The following BORCS5 variants were observed in gnomAD, a reference collection of about 807,000 sequenced individuals.
BORCS5 encodes the protein BLOC-1-related complex subunit 5.
Under a neutral mutation model 22.1 loss-of-function variants are expected in BORCS5, and 17 were observed. The ratio of observed to expected loss-of-function variants is 0.77; its 90% CI spans 0.53 to 1.15. BORCS5 has a LOEUF of 1.15. BORCS5 is among the 50% of genes most tolerant of loss of function. The pLI, the probability that BORCS5 is intolerant of heterozygous loss-of-function variation, is 0.00. For synonymous variants in BORCS5, 117 were observed against 99.8 expected, an observed-to-expected ratio of 1.17 and a Z score of -1.03; for missense variants, 247 against 253.2, an observed-to-expected ratio of 0.98 and a Z score of 0.17.
chr12:12,460,214 C>A (rs1158774877), intron 3 of BORCS5, among the ~76,000 whole-genome samples: 1 of 152,206 alleles, frequency 6.6e-6, no homozygotes, highest in Non-Finnish European at 1.5e-5. Flanking sequence ...TATCAGTGTA[C>A]AGATCTTATA....
At chr12:12,451,258 A>C (rs190518211) in intron 3 of BORCS5, among the ~76,000 whole-genome samples, 2 of 152,244 alleles carry the variant, frequency 1.3e-5, no homozygotes, top group Admixed American at 6.5e-5. Flanking sequence ...GTATCAGGCA[A>C]ACAGAAAGGT....
intron 2 of BORCS5, among the ~76,000 whole-genome samples, chr12:12,388,768 C>G (rs1863936453): frequency 6.6e-6 from 1 of 151,166 alleles, no homozygotes; most frequent in Admixed American, 6.6e-5. Flanking sequence ...TGCTGTTCTT[C>G]TCCTTTCCTG....
chr12:12,425,061 T>G (rs1357596189), intron 2 of BORCS5, among the ~76,000 whole-genome samples: 1 of 152,190 alleles, frequency 6.6e-6, no homozygotes, highest in Non-Finnish European at 1.5e-5. Flanking sequence ...GCAGCCAACA[T>G]TGATCAGAGC....
In BORCS5 at chr12:12,363,272, A is replaced by G. The variant is rs561969816; in HGVS notation, c.202+1923A>G. ...TAGTCATGTCAGTACACTTCAGCCT[A>G]GGTGACAGAGTGAGATCCTGCCTCA... On this transcript the variant is annotated intron_variant, in intron 2 of 3. Transcript: ENST00000314565. Among the ~76,000 whole-genome samples, 369 of 150,730 alleles carry G rather than the reference A, an allele frequency of 2.4e-3. 3 individuals carry two copies. Among genetic ancestry groups the G allele is most frequent in the South Asian group, 0.018 (83 of 4,672 alleles).
chr12:12,436,215 T>G (rs1942551548), intron 3 of BORCS5, among the ~76,000 whole-genome samples: 1 of 152,218 alleles, frequency 6.6e-6, no homozygotes, highest in South Asian at 2.1e-4. Flanking sequence ...AGATTAAAAT[T>G]TCTTTCAAAG....
chr12:12,365,082 A>G (rs1387976834), intron 2 of BORCS5, among the ~76,000 whole-genome samples: 1 of 152,236 alleles, frequency 6.6e-6, no homozygotes, highest in African/African-American at 2.4e-5. Flanking sequence ...GGACTTTGCC[A>G]CCAACTATTA....
At chr12:12,413,233 C>T (rs1364661378) in intron 2 of BORCS5, among the ~76,000 whole-genome samples, 1 of 96,428 alleles carries the variant, frequency 1.0e-5, no homozygotes, top group African/African-American at 5.5e-5. Flanking sequence ...TGCGGCCTTC[C>T]GCAGTGTTTG....
chr12:12,458,852 A>G (rs941816509), intron 3 of BORCS5, among the ~76,000 whole-genome samples: 3 of 149,880 alleles, frequency 2.0e-5, no homozygotes, highest in Admixed American at 6.7e-5. Flanking sequence ...CACGCCTGTA[A>G]TCCCAGCTAC....
At chr12:12,415,267 C>T (rs1291067893) in intron 2 of BORCS5, among the ~76,000 whole-genome samples, 1 of 150,744 alleles carries the variant, frequency 6.6e-6, no homozygotes, top group Non-Finnish European at 1.5e-5. Context: ...CCATTGAGCA[C>T]TGAGTGAACG....
At chr12:12,448,162 CCGCG>C (rs1942828652) in intron 3 of BORCS5, among the ~76,000 whole-genome samples, 1 of 152,148 alleles carries the variant, frequency 6.6e-6, no homozygotes, top group African/African-American at 2.4e-5. Context: ...AACTCTAAAG[CCGCG>C]CTTCCTTTCC....
At chr12:12,440,875 C>T (rs1349596842) in intron 3 of BORCS5, among the ~76,000 whole-genome samples, 6 of 152,298 alleles carry the variant, frequency 3.9e-5, no homozygotes, top group African/African-American at 9.6e-5. Context: ...GTAAGCACTT[C>T]GCCCAGGTCA....
chr12:12,389,144 T>TC (rs1170879068), intron 2 of BORCS5, among the ~76,000 whole-genome samples: 1 of 148,452 alleles, frequency 6.7e-6, no homozygotes, highest in East Asian at 1.9e-4. Flanking sequence ...ACTTTTTTTT[T>TC]TTTTTTTTTT....
At chr12:12,402,946 G>A (rs1391418187) in intron 2 of BORCS5, among the ~76,000 whole-genome samples, 1 of 152,124 alleles carries the variant, frequency 6.6e-6, no homozygotes, top group East Asian at 1.9e-4. Context: ...TATACTTGGT[G>A]CCCAGAAAAC....
At chr12:12,460,663 TC>T (rs1943087441) in intron 3 of BORCS5, among the ~76,000 whole-genome samples, 1 of 152,224 alleles carries the variant, frequency 6.6e-6, no homozygotes, top group Non-Finnish European at 1.5e-5. Context: ...TTCCTTCTGT[TC>T]CTACTTTGCT....
At chr12:12,382,913 T>C (rs1863805445) in intron 2 of BORCS5, among the ~76,000 whole-genome samples, 1 of 151,390 alleles carries the variant, frequency 6.6e-6, no homozygotes, top group South Asian at 2.1e-4. Context: ...AAATAGCATA[T>C]AGTTGGATCT....
In BORCS5 at chr12:12,435,973, C is replaced by T. The variant is rs564783021; in HGVS notation, c.360+188C>T. 4 of 532,316 alleles carry T rather than the reference C, an allele frequency of 7.5e-6. No homozygotes were observed. In the East Asian group the frequency reaches 1.0e-4, roughly 14 times the overall value. The allele number at this position is 532,316 out of a possible 1,614,324, so 33.0% of individuals were successfully genotyped here. ...TAATTTAGAGTTTGAATTCTGATCA[C>T]CACTGATTTGCTTGGCCAAGTTGCT... On this transcript the variant is annotated intron_variant, in intron 3 of 3. Coordinates refer to ENST00000314565, the MANE Select transcript of BORCS5 (RefSeq NM_058169.6).
intron 3 of BORCS5, among the ~76,000 whole-genome samples, chr12:12,447,183 A>C (rs888525415): frequency 6.6e-6 from 1 of 152,160 alleles, no homozygotes; most frequent in African/African-American, 2.4e-5. Context: ...ATTCTGCAAA[A>C]TCCGTGAAAT....
chr12:12,361,173 T>C lies in BORCS5; in HGVS notation c.59-33T>C, dbSNP rs1346044006. Reference sequence around the variant, plus strand: ...TTTGGTGAGGCAGAGATGCCTAATATGCATCTCCTAAGCAGTGTAACTTTA... The same window carrying C: ...TTTGGTGAGGCAGAGATGCCTAATACGCATCTCCTAAGCAGTGTAACTTTA... On this transcript the variant is annotated intron_variant, in intron 1 of 3. Coordinates refer to ENST00000314565, the MANE Select transcript of BORCS5 (RefSeq NM_058169.6). 4 of 1,591,488 alleles carry C rather than the reference T, an allele frequency of 2.5e-6. No homozygotes were observed. In the Admixed American group the frequency reaches 5.0e-5, roughly 20 times the overall value.
chr12:12,400,400 C>G (rs894600898), intron 2 of BORCS5, among the ~76,000 whole-genome samples: 1 of 151,964 alleles, frequency 6.6e-6, no homozygotes, highest in Admixed American at 6.6e-5. Context: ...CCTGAGGTGA[C>G]CAAGGGTGGA....
Sources: allele counts gnomAD v4.1 joint callset (sites outside exome capture counted in the v4.1 genomes callset), GRCh38; gene constraint gnomAD v4.1.1; transcripts MANE v1.5; gene names NCBI Gene and HGNC (gene_info 2026-07-23, HGNC 2026-07-21).